Variants in LCP2 observed in about 807,000 individuals in gnomAD.
LCP2 encodes 76 kDa tyrosine phosphoprotein.
LCP2 carries 29 observed loss-of-function variants against 74.5 expected under a neutral mutation model. The observed-to-expected ratio is 0.39, with a 90% CI of 0.29 to 0.53. The LOEUF is 0.53. Among genes scored for constraint, LCP2 ranks in the 20% least tolerant of loss-of-function variants. LCP2 has a pLI of 0.72. For synonymous variants in LCP2, 228 were observed against 229.5 expected (o/e 0.99, Z 0.06); for missense variants, 604 against 634.6 (o/e 0.95, Z 0.52).
At chr5:170,258,241 C>T in intron 15 of LCP2, 75 bp from the exon 16 acceptor site, 2 of 1,517,382 alleles carry the variant, frequency 1.3e-6, no homozygotes, top group South Asian at 2.3e-5. Flanking sequence ...ATAACCGCCC[C>T]CCAGTTAGAA....
At chr5:170,257,003 C>T (rs1217321554) in intron 16 of LCP2, among the ~76,000 whole-genome samples, 2 of 152,034 alleles carry the variant, frequency 1.3e-5, no homozygotes, top group Non-Finnish European at 2.9e-5. Context: ...GAGAGTAAGC[C>T]AGGTGAGAAG....
In LCP2 at chr5:170,266,878, TG is replaced by T. The variant is rs1320129707; in HGVS notation, c.701del (p.Ser234Ter). ...NHKTAKLPAP[S>X]IDRSTKPPLD... Reference sequence around the variant, plus strand: ...GGGGAGGTTTCGTGCTTCTGTCTATTGAAGGAGCAGGGACTGGAAGGGGAAA... The same window carrying T: ...GGGGAGGTTTCGTGCTTCTGTCTATTAAGGAGCAGGGACTGGAAGGGGAAA... On this transcript the variant is annotated frameshift_variant, in exon 10 of 21. Transcript: ENST00000046794. LOFTEE classifies it high-confidence loss of function. 1 of 1,613,836 alleles carries T rather than the reference TG, an allele frequency of 6.2e-7. No homozygotes were observed. Among genetic ancestry groups the T allele is most frequent in the African/African-American group, 1.3e-5 (1 of 75,000 alleles).
At chr5:170,259,083 G>A (rs1761610859) in intron 14 of LCP2, among the ~76,000 whole-genome samples, 1 of 152,066 alleles carries the variant, frequency 6.6e-6, no homozygotes, top group African/African-American at 2.4e-5. Context: ...GTCATCTAAG[G>A]GCATTCCAGT....
At chr5:170,274,584 CTT>C (rs1761973434) in intron 5 of LCP2, among the ~76,000 whole-genome samples, 1 of 152,174 alleles carries the variant, frequency 6.6e-6, no homozygotes, top group African/African-American at 2.4e-5. Context: ...GTAACAGTGA[CTT>C]AGGAAGTGCT....
At chr5:170,264,499 A>T (rs1761713399) in intron 10 of LCP2, among the ~76,000 whole-genome samples, 2 of 152,254 alleles carry the variant, frequency 1.3e-5, no homozygotes, top group South Asian at 4.1e-4. Context: ...CCATGATAAG[A>T]ATATTGCCTC....
At chr5:170,252,677 T>C (rs186277732) in intron 18 of LCP2, 166 bp from the exon 19 acceptor site, 63 of 563,950 alleles carry the variant, frequency 1.1e-4, no homozygotes, top group African/African-American at 1.1e-3. Context: ...TGGGGCTAAA[T>C]AGAAGATATT....
Position 170,275,824 on chromosome 5 carries a change from G to C in LCP2, c.225C>G (p.Asn75Lys), listed in dbSNP as rs1158244129. 1 of 1,579,862 alleles carries C rather than the reference G, an allele frequency of 6.3e-7. No homozygotes were observed. The highest frequency in any genetic ancestry group is 2.3e-5 in the East Asian group (1 of 43,804). Reference sequence around the variant, plus strand: ...GTGTGAAGATGCTCCTCCTCTCTTCGTTCTTGTTGATTTCCTGACTTAACT... The same window carrying C: ...GTGTGAAGATGCTCCTCCTCTCTTCCTTCTTGTTGATTTCCTGACTTAACT... ...LSKLSQEINK[N>K]EERRSIFTRK... The change falls in exon 4 of 21, where the codon AAC becomes AAG. Residue 75 changes from asparagine (N) to lysine (K), a missense_variant. By Grantham distance (94) the Asn-to-Lys change is moderately conservative. Coordinates refer to ENST00000046794, the MANE Select transcript of LCP2 (RefSeq NM_005565.5).
Position 170,275,863 on chromosome 5 carries a change from G to A in LCP2, c.189-3C>T. 6.4e-7 allele frequency: 1 copy of A among 1,564,568 alleles called. No individual in the cohort carries two copies. The highest frequency in any genetic ancestry group is 8.7e-7 in the Non-Finnish European group (1 of 1,151,896). ...CCTGACTTAACTTACTGAGAATCCTGCAAGATAAAGAGACAGATGAAGAGA... is the reference window on the plus strand; with the variant it reads ...CCTGACTTAACTTACTGAGAATCCTACAAGATAAAGAGACAGATGAAGAGA... On this transcript the variant is annotated splice_polypyrimidine_tract_variant and splice_region_variant and intron_variant, in intron 3 of 20. Transcript: ENST00000046794.
At chr5:170,279,662 G>A (rs908180485) in intron 3 of LCP2, among the ~76,000 whole-genome samples, 1 of 152,162 alleles carries the variant, frequency 6.6e-6, no homozygotes, top group African/African-American at 2.4e-5. Context: ...CATCCAAAAA[G>A]CTTGTGAAAT....
At chr5:170,297,485 C>G in intron 1 of LCP2, 49 bp downstream of exon 1, 1 of 1,531,824 alleles carries the variant, frequency 6.5e-7, no homozygotes. Flanking sequence ...TCAGCTCAGC[C>G]CACCAAGGGC....
chr5:170,263,780 A>G (rs2113168766), intron 10 of LCP2, among the ~76,000 whole-genome samples: 1 of 152,380 alleles, frequency 6.6e-6, no homozygotes, highest in Middle Eastern at 3.4e-3. Context: ...CATGACCAAG[A>G]ACAAGTTATT....
chr5:170,289,738 T>G (rs1347607445), intron 2 of LCP2, among the ~76,000 whole-genome samples: 1 of 126,188 alleles, frequency 7.9e-6, no homozygotes, highest in Non-Finnish European at 1.6e-5. Context: ...CTTTCCTGTC[T>G]TTTCTTTTCT....
Position 170,261,407 on chromosome 5 carries a change from G to A in LCP2, c.927-270C>T, listed in dbSNP as rs201427363. ...AATAATTATGTGTGTGTGTGTGTGT[G>A]TATATATATATATATACACACTCTA... On this transcript the variant is annotated intron_variant, in intron 13 of 20. Transcript: ENST00000046794. 2.7e-4 allele frequency among the ~76,000 whole-genome samples: 40 copies of A among 146,318 alleles called. 1 individual carries two copies. Among genetic ancestry groups the A allele is most frequent in the East Asian group, 8.2e-4 (4 of 4,854 alleles).
At chr5:170,274,524 A>T (rs1040807785) in intron 5 of LCP2, among the ~76,000 whole-genome samples, 186 bp from the exon 6 acceptor site, 7 of 152,154 alleles carry the variant, frequency 4.6e-5, no homozygotes, top group Non-Finnish European at 8.8e-5. Flanking sequence ...CAAGGTGCTC[A>T]TTCTACCAGA....
At chr5:170,293,012 C>T (rs141292622) in intron 2 of LCP2, among the ~76,000 whole-genome samples, 1 of 152,316 alleles carries the variant, frequency 6.6e-6, no homozygotes, top group Non-Finnish European at 1.5e-5. Context: ...TCTGTTCACC[C>T]ATATGGTCCT....
intron 10 of LCP2, 103 bp from the exon 11 acceptor site, chr5:170,263,095 G>T (rs1245463694): frequency 1.5e-6 from 2 of 1,342,546 alleles, no homozygotes; most frequent in South Asian, 1.3e-5. Context: ...CCTCTTGGGG[G>T]TTGATGGGGT....
At chr5:170,292,189 G>A (rs1762305391) in intron 2 of LCP2, among the ~76,000 whole-genome samples, 1 of 152,126 alleles carries the variant, frequency 6.6e-6, no homozygotes, top group Non-Finnish European at 1.5e-5. Flanking sequence ...AGCAGTTCGG[G>A]AAACTGCTTG....
intron 3 of LCP2, among the ~76,000 whole-genome samples, chr5:170,284,037 CTGTCCCA>C (rs1419327859): frequency 3.3e-5 from 5 of 152,234 alleles, no homozygotes; most frequent in Non-Finnish European, 5.9e-5. Context: ...GATGAGGATT[CTGTCCCA>C]TGTCTTTGCA....
In LCP2 at chr5:170,293,596, C is replaced by T. The variant is rs569114832; in HGVS notation, c.79-224G>A. ...GAGAAATTGCCTTGCTCTAAGGCTT[C>T]GGGGCCAACCCTTACAGAAAGACTG... On this transcript the variant is annotated intron_variant, in intron 1 of 20. Transcript: ENST00000046794. 3.6e-4 allele frequency among the ~76,000 whole-genome samples: 55 copies of T among 152,302 alleles called. 1 individual carries two copies. In the South Asian group the frequency reaches 0.01, roughly 29 times the overall value.
Sources: allele counts gnomAD v4.1 joint callset (sites outside exome capture counted in the v4.1 genomes callset), GRCh38; gene constraint gnomAD v4.1.1; transcripts MANE v1.5; gene names NCBI Gene and HGNC (gene_info 2026-07-23, HGNC 2026-07-21).